The following ZBTB46 variants were observed in gnomAD, a reference collection of about 807,000 sequenced individuals.
ZBTB46 encodes the protein zinc finger and BTB domain containing 46, also known as zinc finger and BTB domain-containing protein 46.
In ZBTB46, 8 loss-of-function variants were observed where a neutral mutation model predicts 44.1. That is an observed-to-expected ratio of 0.18 (90% CI 0.11 to 0.33). The LOEUF is 0.33. Among genes scored for constraint, ZBTB46 ranks in the 10% least tolerant of loss-of-function variants. The probability of loss-of-function intolerance (pLI) is 1.00; values close to 1 mark genes in which losing one functional copy is unlikely to be tolerated. For synonymous variants in ZBTB46, 409 were observed against 382.3 expected, an observed-to-expected ratio of 1.07 and a Z score of -0.81; for missense variants, 651 against 847.7, an observed-to-expected ratio of 0.77 and a Z score of 2.88.
rs900047870 is a variant in ZBTB46, at chr20:63,744,020, T to C, written c.*2910A>G. On this transcript the variant is annotated 3_prime_UTR_variant, in exon 5 of 5. Transcript: ENST00000245663. ...TGTTTTTGTTGACAGGTTGAAAGCA[T>C]GTTGAAAAAAATAAATATTTAAGAA... 6.6e-6 allele frequency: 1 copy of C among 150,758 alleles called. No individual in the cohort carries two copies. The highest frequency in any genetic ancestry group is 2.5e-5 in the African/African-American group (1 of 39,722). The allele number at this position is 150,758 out of a possible 1,614,324, so 9.3% of individuals were successfully genotyped here.
rs1252700635 is a variant in ZBTB46 at position 63,767,917 on chromosome 20, C to T, written c.1222+7761G>A. 6 of 985,362 alleles carry T rather than the reference C, an allele frequency of 6.1e-6. No homozygotes were observed. The highest frequency in any genetic ancestry group is 3.5e-5 in the African/African-American group (2 of 57,256). The allele number at this position is 985,362 out of a possible 1,614,324, so 61.0% of individuals were successfully genotyped here. A position where few individuals can be genotyped will look rare whatever the true frequency, so the allele number is the denominator to read the frequency against. On this transcript the variant is annotated intron_variant, in intron 3 of 4. Coordinates refer to ENST00000245663, the MANE Select transcript of ZBTB46 (RefSeq NM_001369741.1). The surrounding 1 kb of genome is among the most constrained non-coding windows in gnomAD (Gnocchi z 5.0). ...GGCCCTGCAGAAACCCACCCTCATG[C>T]CAGCGGGAGCCAACTCTGGAAGAGG...
intron 2 of ZBTB46, among the ~76,000 whole-genome samples, chr20:63,782,044 G>A (rs1432793639): frequency 8.5e-5 from 12 of 141,142 alleles, no homozygotes; most frequent in African/African-American, 2.9e-4. Flanking sequence ...CCGAGATGGC[G>A]CCACTGCACT....
chr20:63,794,937 G>A (rs537701797), intron 1 of ZBTB46, among the ~76,000 whole-genome samples: 10 of 152,298 alleles, frequency 6.6e-5, no homozygotes, highest in African/African-American at 2.4e-4. Context: ...GTCCCCGTGT[G>A]GCACCCCCGT....
intron 3 of ZBTB46, among the ~76,000 whole-genome samples, chr20:63,769,576 C>T (rs933596973): frequency 6.6e-6 from 1 of 152,202 alleles, no homozygotes. Context: ...AGGTCTCCAC[C>T]CATGACTTCT....
chr20:63,778,418 G>A (rs1015371305), intron 2 of ZBTB46, among the ~76,000 whole-genome samples: 5 of 152,192 alleles, frequency 3.3e-5, no homozygotes, highest in South Asian at 4.1e-4. Context: ...ATTTTCCACC[G>A]TGGTCGTTGA....
chr20:63,801,356 A>G (rs8115058), intron 1 of ZBTB46, among the ~76,000 whole-genome samples: 63,820 of 151,930 alleles, frequency 0.42, 13,928 homozygotes, highest in East Asian at 0.55. Context: ...GTCTAGCTCA[A>G]GGATTGTCAA....
At chr20:63,779,481 A>G (rs1460588400) in intron 2 of ZBTB46, among the ~76,000 whole-genome samples, 2 of 135,646 alleles carry the variant, frequency 1.5e-5, no homozygotes, top group East Asian at 4.5e-4. Context: ...GTGCAGTGGC[A>G]TGATCTTGGC....
intron 1 of ZBTB46, among the ~76,000 whole-genome samples, chr20:63,827,614 C>CA (rs555128079): frequency 0.022 from 1,731 of 79,662 alleles, 19 homozygotes; most frequent in Non-Finnish European, 0.037. Flanking sequence ...GACTCCGTCT[C>CA]AAAAAAAAAA....
intron 1 of ZBTB46, among the ~76,000 whole-genome samples, chr20:63,794,978 C>T (rs554158193): frequency 3.3e-5 from 5 of 150,442 alleles, no homozygotes; most frequent in African/African-American, 1.2e-4. Context: ...GAGGAGCTCC[C>T]GATCCACACT....
At chr20:63,794,893 C>T (rs568721103) in intron 1 of ZBTB46, among the ~76,000 whole-genome samples, 2 of 152,340 alleles carry the variant, frequency 1.3e-5, no homozygotes, top group East Asian at 3.9e-4. Context: ...CCTGTGGCTG[C>T]GGCAAAGGCT....
chr20:63,773,770 G>A (rs1175690465), intron 3 of ZBTB46, among the ~76,000 whole-genome samples: 2 of 152,124 alleles, frequency 1.3e-5, no homozygotes, highest in Admixed American at 6.5e-5. Context: ...GCCGCACCCA[G>A]CCTGTCCCTC....
intron 1 of ZBTB46, among the ~76,000 whole-genome samples, chr20:63,820,527 C>T (rs1261898016): frequency 6.6e-6 from 1 of 151,988 alleles, no homozygotes; most frequent in Non-Finnish European, 1.5e-5. Context: ...CCTCCACCTC[C>T]CCAGTTCAAG....
At chr20:63,762,682 A>AAC (rs1568839189) in intron 3 of ZBTB46, among the ~76,000 whole-genome samples, 7 of 151,622 alleles carry the variant, frequency 4.6e-5, no homozygotes, top group South Asian at 2.1e-4. Flanking sequence ...ACAAACAAAA[A>AAC]AAAAACCAAC....
At chr20:63,811,628 A>T (rs2092718209) in intron 1 of ZBTB46, among the ~76,000 whole-genome samples, 1 of 152,030 alleles carries the variant, frequency 6.6e-6, no homozygotes, top group South Asian at 2.1e-4. Flanking sequence ...CCCAGCAGAG[A>T]TCTGCACGTG....
At position 63,752,527 on chromosome 20, in the gene ZBTB46, C is replaced by T. The variant is rs1050540184; in HGVS notation, c.1398+159G>A. On this transcript the variant is annotated intron_variant, in intron 4 of 4. Transcript: ENST00000245663. The surrounding 1 kb of genome is among the most constrained non-coding windows in gnomAD (Gnocchi z 5.6). ...ACCCAGGAGGCCGGGGCAGAGCAGA[C>T]AGGGGCCCGGGGCGGATCTCCCTGC... is the stretch of plus-strand genomic sequence containing the variant. 6.6e-5 allele frequency among the ~76,000 whole-genome samples: 10 copies of T among 152,156 alleles called. No homozygotes were observed. Among genetic ancestry groups the T allele is most frequent in the Admixed American group, 1.3e-4 (2 of 15,290 alleles).
intron 1 of ZBTB46, among the ~76,000 whole-genome samples, chr20:63,800,625 T>G (rs1010133897): frequency 6.6e-6 from 1 of 152,108 alleles, no homozygotes; most frequent in Non-Finnish European, 1.5e-5. Context: ...GAGTTCCGGG[T>G]GGGTGTGGGC....
At chr20:63,769,511 T>G (rs773765229) in intron 3 of ZBTB46, 5 of 917,008 alleles carry the variant, frequency 5.5e-6, no homozygotes, top group Non-Finnish European at 6.5e-6. Context: ...CCCAAGGGTC[T>G]CGCTGGAGGC....
chr20:63,759,922 C>A (rs1203861869), intron 3 of ZBTB46, among the ~76,000 whole-genome samples: 1 of 152,170 alleles, frequency 6.6e-6, no homozygotes, highest in Non-Finnish European at 1.5e-5. Flanking sequence ...CTTTATTCGG[C>A]TAATGTGGTA....
intron 2 of ZBTB46, among the ~76,000 whole-genome samples, chr20:63,778,735 T>C (rs933351788): frequency 2.0e-5 from 3 of 152,170 alleles, no homozygotes; most frequent in African/African-American, 7.2e-5. Flanking sequence ...CAAACTATAC[T>C]CCTTTTTATA....
Sources: gnomAD v4.1 joint callset for allele counts (sites outside exome capture counted in the v4.1 genomes callset) on GRCh38, gnomAD v4.1.1 for gene constraint, Gnocchi (gnomAD v3.1) non-coding constraint, MANE v1.5 for transcripts, NCBI Gene and HGNC (gene_info 2026-07-23, HGNC 2026-07-21) for gene names.